GRID2: variants seen among roughly 807,000 people sequenced by gnomAD.
GRID2 encodes the protein glutamate ionotropic receptor delta type subunit 2, also known as glutamate receptor ionotropic, delta-2.
A neutral mutation model predicts 114.8 loss-of-function variants in GRID2; 33 were observed. That is an observed-to-expected ratio of 0.29 (90% confidence interval 0.22 to 0.38). The LOEUF is 0.38. Ranked by LOEUF, GRID2 falls within the 10% of genes least tolerant of loss-of-function variation. The pLI, the probability that GRID2 is intolerant of heterozygous loss-of-function variation, is 1.00. For synonymous variants in GRID2, 505 were observed against 449.9 expected, an observed-to-expected ratio of 1.12 and a Z score of -1.55; for missense variants, 1,184 against 1,257.7, an observed-to-expected ratio of 0.94 and a Z score of 0.89.
Position 92,349,223 on chromosome 4 carries a change from A to G in GRID2, c.88+44479A>G, listed in dbSNP as rs998438462. ...GTGAAACATGGAAAATAACACAATT[A>G]TATGTTTATAAGAGATAGGGTAGTT... On this transcript the variant is annotated intron_variant, in intron 1 of 15. Coordinates refer to ENST00000282020, the MANE Select transcript of GRID2 (RefSeq NM_001510.4). Among the ~76,000 whole-genome samples, 10 of 152,182 alleles carry G rather than the reference A, an allele frequency of 6.6e-5. No homozygotes were observed. In the East Asian group the frequency reaches 1.7e-3, roughly 26 times the overall value.
intron 14 of GRID2, among the ~76,000 whole-genome samples, chr4:93,727,626 T>C (rs1730056876): frequency 6.6e-6 from 1 of 152,212 alleles, no homozygotes; most frequent in South Asian, 2.1e-4. Context: ...TGGACTTTTT[T>C]TGGTTGGAAA....
intron 2 of GRID2, among the ~76,000 whole-genome samples, chr4:92,834,951 G>A (rs923665036): frequency 6.6e-6 from 1 of 152,090 alleles, no homozygotes; most frequent in African/African-American, 2.4e-5. Flanking sequence ...GGAAATGTAT[G>A]ATGAGACCCT....
chr4:93,446,554 T>C (rs1010616892), intron 10 of GRID2, among the ~76,000 whole-genome samples: 25 of 152,060 alleles, frequency 1.6e-4, no homozygotes, highest in Admixed American at 1.4e-3. Context: ...TAAAGTTGGG[T>C]ATAGTACCTA....
chr4:93,740,345 A>G (rs1434752555), intron 14 of GRID2, among the ~76,000 whole-genome samples: 1 of 152,140 alleles, frequency 6.6e-6, no homozygotes. Context: ...CCATGACTGT[A>G]TTTCAGAGCT....
intron 2 of GRID2, among the ~76,000 whole-genome samples, chr4:92,962,593 C>T (rs1200489493): frequency 6.6e-6 from 1 of 151,964 alleles, no homozygotes; most frequent in Non-Finnish European, 1.5e-5. Context: ...CAGGGACAGA[C>T]ATTGTGAAGA....
rs146123462 is a variant in GRID2, at chr4:92,479,519, C to T, written c.89-110612C>T. On this transcript the variant is annotated intron_variant, in intron 1 of 15. Coordinates refer to ENST00000282020, the MANE Select transcript of GRID2 (RefSeq NM_001510.4). ...CTCCGTATTGTTCTGTTTAAATGAGCACTTACATATTATTAGATTTGATGA... is the reference window on the plus strand; with the variant it reads ...CTCCGTATTGTTCTGTTTAAATGAGTACTTACATATTATTAGATTTGATGA... 8.5e-5 allele frequency among the ~76,000 whole-genome samples: 13 copies of T among 152,170 alleles called. No individual in the cohort carries two copies. In the East Asian group the frequency reaches 2.5e-3, roughly 29 times the overall value.
intron 8 of GRID2, among the ~76,000 whole-genome samples, chr4:93,291,196 A>C (rs898818891): frequency 6.6e-6 from 1 of 150,910 alleles, no homozygotes; most frequent in Non-Finnish European, 1.5e-5. Context: ...TTTTTAAAAT[A>C]TTTTATATAT....
At chr4:93,231,430 T>C (rs1746134653) in intron 7 of GRID2, among the ~76,000 whole-genome samples, 1 of 144,150 alleles carries the variant, frequency 6.9e-6, no homozygotes, top group Non-Finnish European at 1.5e-5. Context: ...CAGTAGTGAA[T>C]ATTGACTAAC....
At chr4:92,725,072 G>C (rs1196661498) in intron 2 of GRID2, among the ~76,000 whole-genome samples, 1 of 152,014 alleles carries the variant, frequency 6.6e-6, no homozygotes, top group African/African-American at 2.4e-5. Context: ...AGGCCGAGAG[G>C]GGTGGATCAC....
At chr4:93,131,613 T>A (rs1486371875) in intron 4 of GRID2, among the ~76,000 whole-genome samples, 3 of 151,448 alleles carry the variant, frequency 2.0e-5, no homozygotes, top group African/African-American at 7.3e-5. Flanking sequence ...TTTATTTAAA[T>A]TTTTTTATTT....
intron 2 of GRID2, among the ~76,000 whole-genome samples, chr4:93,056,030 T>C (rs954640803): frequency 3.3e-5 from 5 of 151,926 alleles, no homozygotes; most frequent in Non-Finnish European, 7.4e-5. Context: ...CATCATCTTC[T>C]GAACTCATTA....
At chr4:92,923,788 A>T (rs145172333) in intron 2 of GRID2, among the ~76,000 whole-genome samples, 214 of 152,184 alleles carry the variant, frequency 1.4e-3, no homozygotes, top group Non-Finnish European at 2.7e-3. Context: ...TGCGACATTG[A>T]AATTATTCAG....
intron 8 of GRID2, among the ~76,000 whole-genome samples, chr4:93,316,334 A>AT: frequency 1.9e-5 from 1 of 53,820 alleles, no homozygotes; most frequent in African/African-American, 7.4e-5. Flanking sequence ...GAAAGAAAGA[A>AT]AGAAAGAAGG....
intron 13 of GRID2, among the ~76,000 whole-genome samples, chr4:93,561,822 C>T (rs1734954025): frequency 6.6e-6 from 1 of 152,108 alleles, no homozygotes. Context: ...TAGTAATATG[C>T]ATCTAAGTTT....
intron 14 of GRID2, 63 bp downstream of exon 14, chr4:93,626,498 G>T (rs1317929185): frequency 1.9e-6 from 2 of 1,074,724 alleles, no homozygotes; most frequent in Non-Finnish European, 1.4e-6. Context: ...TATCCATTTG[G>T]TTACCAGATC....
intron 1 of GRID2, among the ~76,000 whole-genome samples, chr4:93,800,684 A>G (rs924527410): frequency 3.3e-5 from 5 of 152,210 alleles, no homozygotes; most frequent in African/African-American, 1.2e-4. Flanking sequence ...ACCTGGATAC[A>G]TATAGAAGAA....
At chr4:92,645,950 G>A (rs1579754463) in intron 2 of GRID2, among the ~76,000 whole-genome samples, 2 of 151,700 alleles carry the variant, frequency 1.3e-5, no homozygotes, top group Non-Finnish European at 1.5e-5. Flanking sequence ...TGTGAAAAAC[G>A]CATTCACTTT....
At chr4:92,776,567 T>C (rs996597927) in intron 2 of GRID2, among the ~76,000 whole-genome samples, 2 of 151,882 alleles carry the variant, frequency 1.3e-5, no homozygotes, top group African/African-American at 4.8e-5. Flanking sequence ...ACTGTTACGG[T>C]CAATTAGATT....
chr4:93,014,115 T>C (rs1181266672), intron 2 of GRID2, among the ~76,000 whole-genome samples: 1 of 152,060 alleles, frequency 6.6e-6, no homozygotes, highest in Non-Finnish European at 1.5e-5. Flanking sequence ...GAAAGGCTTA[T>C]AGAAATATGG....
Sources: allele counts gnomAD v4.1 joint callset (sites outside exome capture counted in the v4.1 genomes callset), GRCh38; gene constraint gnomAD v4.1.1; transcripts MANE v1.5; gene names NCBI Gene and HGNC (gene_info 2026-07-23, HGNC 2026-07-21).